The following PIK3IP1 variants were observed in gnomAD, a reference collection of about 807,000 sequenced individuals.
PIK3IP1 encodes the protein phosphoinositide-3-kinase-interacting protein 1.
A neutral mutation model predicts 30.7 loss-of-function variants in PIK3IP1; 28 were observed. The observed-to-expected ratio is 0.91, with a 90% confidence interval of 0.68 to 1.25. PIK3IP1 has a LOEUF of 1.25. Among genes scored for constraint, PIK3IP1 ranks in the 50% most tolerant of loss-of-function variants. The pLI is 0.00. For missense variants in PIK3IP1, 333 were observed against 346.2 expected (o/e 0.96, Z 0.30); for synonymous variants, 159 against 140.8 (o/e 1.13, Z -0.91).
intron 5 of PIK3IP1, among the ~76,000 whole-genome samples, chr22:31,284,757 G>A (rs2049118811): frequency 1.3e-5 from 2 of 152,126 alleles, no homozygotes; most frequent in African/African-American, 4.8e-5. Context: ...ACCTCCCTCT[G>A]AAGCTAGTGC....
At position 31,291,014 on chromosome 22, in the gene PIK3IP1, G is replaced by A. The variant is rs747770691; in HGVS notation, c.258C>T (p.Gly86=). 16 of 1,595,454 alleles carry A rather than the reference G, an allele frequency of 1.0e-5. No homozygotes were observed. In the East Asian group the frequency reaches 3.0e-4, roughly 30 times the overall value. ...GCCGTTTCTCAGGGACGCCGGCCTC[G>A]CCACTGACGTAGCACCAGGGCCCGC... ...DPRGPWCYVS[G]EAGVPEKRPC... The change falls in exon 3 of 6, where the codon GGC becomes GGT. Residue 86 remains glycine (G), a synonymous_variant. Coordinates refer to ENST00000215912, the MANE Select transcript of PIK3IP1 (RefSeq NM_052880.5).
In PIK3IP1 at chr22:31,291,943, AACCACAGAAGGAGGCTGGGGAAGGAGG is replaced by A. The variant is rs1479310349; in HGVS notation, c.70+305_70+331del. Among the ~76,000 whole-genome samples the A allele has an allele frequency of 2.6e-5, 4 of 152,322 alleles. No homozygotes were observed. In the East Asian group the frequency reaches 5.8e-4, roughly 22 times the overall value. ...AAGCTCCCACTCCCCTCTGCAGGAG[AACCACAGAAGGAGGCTGGGGAAGGAGG>A]ACCACACCATGCAAAGGGCTTAGAA... is the stretch of plus-strand genomic sequence containing the variant. On this transcript the variant is annotated intron_variant, in intron 1 of 5. Coordinates refer to ENST00000215912, the MANE Select transcript of PIK3IP1 (RefSeq NM_052880.5).
At position 31,283,056 on chromosome 22, in the gene PIK3IP1, T is replaced by G; in HGVS notation, c.*28A>C. 1 of 1,547,216 alleles carries G rather than the reference T, an allele frequency of 6.5e-7. No homozygotes were observed. The highest frequency in any genetic ancestry group is 8.8e-7 in the Non-Finnish European group (1 of 1,138,494). On this transcript the variant is annotated 3_prime_UTR_variant, in exon 6 of 6. Coordinates refer to ENST00000215912, the MANE Select transcript of PIK3IP1 (RefSeq NM_052880.5). ...GGGTGGGCTGTCCTGCACCAGTGTC[T>G]GCATGGGCTCCTGCCCACTGGGGGG...
chr22:31,287,014 C>CTT (rs11427273), intron 5 of PIK3IP1, among the ~76,000 whole-genome samples: 2,175 of 98,578 alleles, frequency 0.022, 47 homozygotes, highest in South Asian at 0.039. Flanking sequence ...CCATTACCCA[C>CTT]TTTTTTTTTT....
At position 31,283,025 on chromosome 22, in the gene PIK3IP1, G is replaced by T; in HGVS notation, c.*59C>A. On this transcript the variant is annotated 3_prime_UTR_variant, in exon 6 of 6. Coordinates refer to ENST00000215912, the MANE Select transcript of PIK3IP1 (RefSeq NM_052880.5). Reference sequence around the variant, plus strand: ...CACAAAGTGGTAGTTCCTCCTAGCTGTAGGAGGGTGGGCTGTCCTGCACCA... The same window carrying T: ...CACAAAGTGGTAGTTCCTCCTAGCTTTAGGAGGGTGGGCTGTCCTGCACCA... 7.5e-7 allele frequency: 1 copy of T among 1,339,882 alleles called. No individual in the cohort carries two copies. The highest frequency in any genetic ancestry group is 1.0e-6 in the Non-Finnish European group (1 of 965,524). 83.0% of individuals were successfully genotyped at this position (1,339,882 alleles called of 1,614,324 possible).
At chr22:31,287,337 T>A in intron 5 of PIK3IP1, among the ~76,000 whole-genome samples, 1 of 139,824 alleles carries the variant, frequency 7.2e-6, no homozygotes. Context: ...ACATTTTTTT[T>A]TTTTTTTTTT....
intron 3 of PIK3IP1, 182 bp downstream of exon 3, chr22:31,290,783 C>A (rs1465936838): frequency 2.3e-6 from 2 of 865,658 alleles, no homozygotes; most frequent in East Asian, 3.2e-5. Flanking sequence ...TGAGCTCATA[C>A]GAGTGGCGGC....
chr22:31,290,934 A>C (rs750315483), intron 3 of PIK3IP1, 31 bp downstream of exon 3: 3 of 1,543,602 alleles, frequency 1.9e-6, no homozygotes, highest in Non-Finnish European at 2.6e-6. Flanking sequence ...CAGCGCCAGG[A>C]GCGGGGATTC....
At chr22:31,286,215 A>G (rs2049130105) in intron 5 of PIK3IP1, among the ~76,000 whole-genome samples, 1 of 152,144 alleles carries the variant, frequency 6.6e-6, no homozygotes, top group African/African-American at 2.4e-5. Flanking sequence ...TTAAGAAAGC[A>G]TGAAATAAAT....
rs1047719103 is a variant in PIK3IP1 at position 31,292,397 on chromosome 22, C to T, written c.-53G>A. 1.3e-6 allele frequency: 2 copies of T among 1,568,634 alleles called. No homozygotes were observed. Among genetic ancestry groups the T allele is most frequent in the Non-Finnish European group, 1.8e-6 (2 of 1,139,168 alleles). On this transcript the variant is annotated 5_prime_UTR_variant, in exon 1 of 6. Transcript: ENST00000215912. ...TGAACGACCAGTGTTTAACCGAGGC[C>T]CCCTTGGCGGCGGCTCTGCCTCCCA... is the stretch of plus-strand genomic sequence containing the variant.
intron 5 of PIK3IP1, among the ~76,000 whole-genome samples, chr22:31,287,808 G>C (rs2049143378): frequency 6.6e-6 from 1 of 152,098 alleles, no homozygotes; most frequent in Non-Finnish European, 1.5e-5. Context: ...CCAAATGCTA[G>C]GTGTGTAACC....
rs951050884 is a variant in PIK3IP1 at position 31,292,320 on chromosome 22, A to G, written c.25T>C (p.Phe9Leu). 36 of 1,614,060 alleles carry G rather than the reference A, an allele frequency of 2.2e-5. No homozygotes were observed. The highest frequency in any genetic ancestry group is 2.8e-5 in the Non-Finnish European group (33 of 1,180,026). ...GCTAGGAGCATGTTGCTGACGAGGAATGCTTGTACCCAGGCCAACAGCATC... is the reference window on the plus strand; with the variant it reads ...GCTAGGAGCATGTTGCTGACGAGGAGTGCTTGTACCCAGGCCAACAGCATC... MLLAWVQAFLVSNMLLAEA... is the reference protein window; with the variant it reads MLLAWVQALLVSNMLLAEA... Residue 9 changes from phenylalanine (F) to leucine (L), a missense_variant, in exon 1 of 6, where the codon TTC (phenylalanine) becomes CTC (leucine). Coordinates refer to ENST00000215912, the MANE Select transcript of PIK3IP1 (RefSeq NM_052880.5).
At chr22:31,291,389 T>C (rs2049177720) in intron 1 of PIK3IP1, 93 bp from the exon 2 acceptor site, 3 of 1,269,756 alleles carry the variant, frequency 2.4e-6, no homozygotes, top group Non-Finnish European at 3.4e-6. Flanking sequence ...CCACCCGGGC[T>C]GAACCTCAGC....
In PIK3IP1 at chr22:31,291,204, C is replaced by T. The variant is rs967281190; in HGVS notation, c.163G>A (p.Gly55Arg). Residue 55 changes from glycine (G) to arginine (R), a missense_variant, in exon 2 of 6, where the codon GGG (glycine) becomes AGG (arginine). Coordinates refer to ENST00000215912, the MANE Select transcript of PIK3IP1 (RefSeq NM_052880.5). The part of the protein sequence containing the change: ...RCLNWLDAQS[G>R]LASAPVSGAG... ...CCCGACACGGGGGCCGAGGCCAGCCCGCTCTGCGCGTCCAGCCAGTTGAGG... is the reference window on the plus strand; with the variant it reads ...CCCGACACGGGGGCCGAGGCCAGCCTGCTCTGCGCGTCCAGCCAGTTGAGG... 14 of 1,548,922 alleles carry T rather than the reference C, an allele frequency of 9.0e-6. No homozygotes were observed. Among genetic ancestry groups the T allele is most frequent in the Middle Eastern group, 1.7e-4 (1 of 5,986 alleles).
chr22:31,291,004 C>T lies in PIK3IP1; in HGVS notation c.268G>A (p.Val90Ile), dbSNP rs754576349. The T allele has an allele frequency of 2.5e-6, 4 of 1,598,562 alleles. No homozygotes were observed. The highest frequency in any genetic ancestry group is 1.7e-4 in the Middle Eastern group (1 of 6,022). ...PWCYVSGEAGVPEKRPCEDLR... is the reference protein window; with the variant it reads ...PWCYVSGEAGIPEKRPCEDLR... ...TCCTCGCAAGGCCGTTTCTCAGGGA[C>T]GCCGGCCTCGCCACTGACGTAGCAC... The change falls in exon 3 of 6, where the codon GTC (valine) becomes ATC (isoleucine). Residue 90 changes from valine (V) to isoleucine (I), a missense_variant. Physicochemically the swap from Val to Ile is conservative, Grantham distance 29. This residue lies in a region of PIK3IP1 where 217 missense variants were observed against 227.7 expected (regional missense o/e 0.95). Transcript: ENST00000215912.
chr22:31,283,370 C>T lies in PIK3IP1; in HGVS notation c.588-82G>A. ...ATTAGATAGCATCCCTGAGGCTCAG[C>T]AAGAGCAGCAGCTTGCCATTGTCAC... is the stretch of plus-strand genomic sequence containing the variant. On this transcript the variant is annotated intron_variant, in intron 5 of 5. Coordinates refer to ENST00000215912, the MANE Select transcript of PIK3IP1 (RefSeq NM_052880.5). The T allele has an allele frequency of 2.1e-6, 3 of 1,430,212 alleles. No individual in the cohort carries two copies. The East Asian group carries it at 7.0e-5, about 33-fold the overall frequency. 88.6% of individuals were successfully genotyped at this position (1,430,212 alleles called of 1,614,324 possible). A position where few individuals can be genotyped will look rare whatever the true frequency, so the allele number is the denominator to read the frequency against.
Position 31,282,999 on chromosome 22 carries a change from A to G in PIK3IP1, c.*85T>C. ...GGGGAGTGGTAGGGTTTTAACCAGA[A>G]CACAAAGTGGTAGTTCCTCCTAGCT... On this transcript the variant is annotated 3_prime_UTR_variant, in exon 6 of 6. Transcript: ENST00000215912. The G allele has an allele frequency of 2.7e-6, 3 of 1,095,242 alleles. No individual in the cohort carries two copies. The highest frequency in any genetic ancestry group is 3.9e-6 in the Non-Finnish European group (3 of 763,656). The allele number at this position is 1,095,242 out of a possible 1,614,324, so 67.8% of individuals were successfully genotyped here. A position where few individuals can be genotyped will look rare whatever the true frequency, so the allele number is the denominator to read the frequency against.
chr22:31,283,446 A>T (rs2049105972), intron 5 of PIK3IP1, among the ~76,000 whole-genome samples, 158 bp from the exon 6 acceptor site: 1 of 152,166 alleles, frequency 6.6e-6, no homozygotes, highest in African/African-American at 2.4e-5. Context: ...GGATTCTAGG[A>T]TATCCATTCT....
intron 3 of PIK3IP1, 104 bp downstream of exon 3, chr22:31,290,861 G>C (rs1006707384): frequency 9.3e-5 from 132 of 1,412,832 alleles, no homozygotes; most frequent in Middle Eastern, 7.8e-4. Context: ...CGCGGAGGCG[G>C]AGCGGGGCCG....
Sources: gnomAD v4.1 joint callset for allele counts (sites outside exome capture counted in the v4.1 genomes callset) on GRCh38, gnomAD v4.1.1 for gene constraint, gnomAD v4.1.1 regional missense constraint, MANE v1.5 for transcripts, NCBI Gene and HGNC (gene_info 2026-07-23, HGNC 2026-07-21) for gene names.